The following POU3F3 variants were observed in gnomAD, a reference collection of about 807,000 sequenced individuals.
POU3F3 encodes POU domain, class 3, transcription factor 3.
Under a neutral mutation model 8.6 loss-of-function variants are expected in POU3F3, and 1 was observed. That is an observed-to-expected ratio of 0.12 (90% CI 0.04 to 0.55). POU3F3 has a LOEUF of 0.55. POU3F3 is among the 20% of genes least tolerant of loss of function. The pLI is 0.91. For missense variants in POU3F3, 577 were observed against 690.7 expected (o/e 0.84, Z 1.84); for synonymous variants, 418 against 327.4 (o/e 1.28, Z -2.99).
chr2:104,864,787 A>G, the POU3F3 span, among the ~76,000 whole-genome samples: 6 of 152,226 alleles, frequency 3.9e-5, no homozygotes, highest in African/African-American at 1.4e-4. Context: ...AGAATGCTAA[A>G]CAATATAAAA....
the POU3F3 span, among the ~76,000 whole-genome samples, chr2:104,905,794 C>T: frequency 6.6e-6 from 1 of 152,186 alleles, no homozygotes; most frequent in South Asian, 2.1e-4. Flanking sequence ...TATAAAAACA[C>T]TGGTTCTTGG....
chr2:104,859,716 G>A (rs911322066), downstream of POU3F3, among the ~76,000 whole-genome samples: 23 of 152,066 alleles, frequency 1.5e-4, no homozygotes, highest in African/African-American at 4.6e-4. Context: ...ACACCAAATC[G>A]TACTAAAAAT....
chr2:104,919,314 G>A, the POU3F3 span, among the ~76,000 whole-genome samples: 27 of 152,336 alleles, frequency 1.8e-4, no homozygotes, highest in African/African-American at 6.5e-4. Flanking sequence ...CCTGGACTTT[G>A]CCCTCTGGAC....
chr2:104,925,413 G>C, the POU3F3 span, among the ~76,000 whole-genome samples: 1 of 152,118 alleles, frequency 6.6e-6, no homozygotes, highest in Middle Eastern at 3.2e-3. Context: ...GAAAGAAAAT[G>C]AGTAGGTAAG....
the POU3F3 span, among the ~76,000 whole-genome samples, chr2:104,887,867 T>C: frequency 6.6e-6 from 1 of 152,202 alleles, no homozygotes; most frequent in Admixed American, 6.5e-5. Flanking sequence ...AGGCTTTAAA[T>C]GGAGGTACTA....
chr2:104,885,039 A>G, the POU3F3 span, among the ~76,000 whole-genome samples: 1 of 152,204 alleles, frequency 6.6e-6, no homozygotes, highest in Non-Finnish European at 1.5e-5. Flanking sequence ...CACACAACCC[A>G]GTCTGTGACA....
At chr2:104,890,625 T>C in the POU3F3 span, among the ~76,000 whole-genome samples, 1 of 152,198 alleles carries the variant, frequency 6.6e-6, no homozygotes, top group Non-Finnish European at 1.5e-5. Flanking sequence ...ATCCTGGGTC[T>C]CCTGGCCCCT....
the POU3F3 span, among the ~76,000 whole-genome samples, chr2:104,880,274 C>G: frequency 6.6e-6 from 1 of 152,194 alleles, no homozygotes. Flanking sequence ...GCCAGATTCT[C>G]CTTCATTCAC....
the POU3F3 span, among the ~76,000 whole-genome samples, chr2:104,921,114 G>A: frequency 6.6e-6 from 1 of 152,154 alleles, no homozygotes; most frequent in African/African-American, 2.4e-5. Flanking sequence ...AGCTTGAGAG[G>A]TCTAGTACTA....
the POU3F3 span, among the ~76,000 whole-genome samples, chr2:104,895,125 G>A: frequency 7.0e-4 from 106 of 151,750 alleles, 1 homozygote; most frequent in South Asian, 3.3e-3. Context: ...TCCCTCAAGC[G>A]TCATCCACAC....
the POU3F3 span, among the ~76,000 whole-genome samples, chr2:104,904,746 G>A: frequency 2.0e-4 from 30 of 152,088 alleles, no homozygotes; most frequent in Non-Finnish European, 2.9e-4. Context: ...TGTATAGGAC[G>A]ATGTATATCA....
the POU3F3 span, among the ~76,000 whole-genome samples, chr2:104,915,080 G>T: frequency 2.0e-5 from 3 of 152,238 alleles, no homozygotes; most frequent in Non-Finnish European, 2.9e-5. Context: ...ACAAGCTGCA[G>T]ACCTGCACAA....
Position 104,856,831 on chromosome 2 carries a change from G to A in POU3F3, c.1321G>A (p.Asp441Asn). 6.2e-7 allele frequency: 1 copy of A among 1,614,116 alleles called. No homozygotes were observed. The highest frequency in any genetic ancestry group is 8.5e-7 in the Non-Finnish European group (1 of 1,180,014). The change falls in exon 1 of 1, where the codon GAC (aspartate) becomes AAC (asparagine). Residue 441 changes from aspartate (D) to asparagine (N), a missense_variant. By Grantham distance (23) the Asp-to-Asn change is conservative. Coordinates refer to ENST00000361360, the MANE Select transcript of POU3F3 (RefSeq NM_006236.3). ...PSAQEITNLA[D>N]SLQLEKEVVR... The stretch of plus-strand genomic sequence containing the variant: ...CGCGCAGGAGATCACCAACCTGGCC[G>A]ACAGCCTGCAGCTCGAGAAGGAGGT...
At chr2:104,911,170 T>C in the POU3F3 span, among the ~76,000 whole-genome samples, 1 of 151,828 alleles carries the variant, frequency 6.6e-6, no homozygotes, top group Admixed American at 6.6e-5. Flanking sequence ...TCCCAGCACT[T>C]TGGGAGGCCA....
the POU3F3 span, among the ~76,000 whole-genome samples, chr2:104,915,744 C>T: frequency 5.9e-5 from 9 of 151,632 alleles, no homozygotes; most frequent in African/African-American, 2.2e-4. Context: ...TCTAACATCT[C>T]GGATGCAAAT....
chr2:104,871,650 T>A, the POU3F3 span, among the ~76,000 whole-genome samples: 1 of 152,208 alleles, frequency 6.6e-6, no homozygotes. Flanking sequence ...TGCAGACATG[T>A]GTCTCACACA....
the POU3F3 span, among the ~76,000 whole-genome samples, chr2:104,901,238 G>T: frequency 6.6e-6 from 1 of 152,194 alleles, no homozygotes; most frequent in Admixed American, 6.5e-5. Context: ...CTCACTGACA[G>T]CCCTGAGATG....
chr2:104,868,920 T>C, the POU3F3 span, among the ~76,000 whole-genome samples: 1 of 152,154 alleles, frequency 6.6e-6, no homozygotes, highest in Non-Finnish European at 1.5e-5. Context: ...TATAATTCCA[T>C]ATAGGACAGT....
At chr2:104,927,400 G>C in the POU3F3 span, among the ~76,000 whole-genome samples, 11 of 152,030 alleles carry the variant, frequency 7.2e-5, no homozygotes, top group South Asian at 6.2e-4. Flanking sequence ...GGGTAGAAAG[G>C]GGGTAGAGAG....
Sources: allele counts gnomAD v4.1 joint callset (sites outside exome capture counted in the v4.1 genomes callset), GRCh38; gene constraint gnomAD v4.1.1; transcripts MANE v1.5; gene names NCBI Gene and HGNC (gene_info 2026-07-23, HGNC 2026-07-21).